Variants in ABCC4 observed in about 807,000 individuals in gnomAD.
ABCC4 encodes the protein ATP-binding cassette sub-family C member 4.
ABCC4 carries 102 observed loss-of-function variants against 168.5 expected under a neutral mutation model. The ratio of observed to expected loss-of-function variants is 0.61; its 90% CI spans 0.52 to 0.71. The LOEUF is 0.71. Ranked by LOEUF, ABCC4 falls within the 30% of genes least tolerant of loss-of-function variation. The pLI is 0.00. For synonymous variants in ABCC4, 617 were observed against 590.7 expected, an observed-to-expected ratio of 1.04 and a Z score of -0.65; for missense variants, 1,402 against 1,605.8, an observed-to-expected ratio of 0.87 and a Z score of 2.17.
chr13:95,259,077 C>T (rs963744885), intron 1 of ABCC4, among the ~76,000 whole-genome samples: 9 of 152,108 alleles, frequency 5.9e-5, no homozygotes, highest in African/African-American at 1.9e-4. Context: ...GGAAAACCCA[C>T]TCTACCTCAT....
intron 25 of ABCC4, among the ~76,000 whole-genome samples, chr13:95,067,703 A>G (rs1302403230): frequency 6.6e-6 from 1 of 152,218 alleles, no homozygotes; most frequent in Non-Finnish European, 1.5e-5. Context: ...GCAAACATTA[A>G]TGTAAAAAAG....
At chr13:95,206,493 A>C (rs1333181593) in intron 8 of ABCC4, 39 bp downstream of exon 8, 4 of 1,601,508 alleles carry the variant, frequency 2.5e-6, no homozygotes, top group Middle Eastern at 1.7e-4. Context: ...ATTCTACTTC[A>C]AATGCACCTA....
intron 3 of ABCC4, among the ~76,000 whole-genome samples, chr13:95,244,670 A>AAGAAATC (rs1555336347): frequency 9.4e-6 from 1 of 106,358 alleles, no homozygotes; most frequent in Non-Finnish European, 2.1e-5. Flanking sequence ...AGAAAGAAAG[A>AAGAAATC]AATCATAGCA....
chr13:95,194,607 G>GT (rs2038357941), intron 9 of ABCC4, among the ~76,000 whole-genome samples: 1 of 152,096 alleles, frequency 6.6e-6, no homozygotes, highest in Non-Finnish European at 1.5e-5. Flanking sequence ...ACTTTCCTTG[G>GT]TTTTTTGAAA....
intron 20 of ABCC4, 95 bp downstream of exon 20, chr13:95,115,827 G>T: frequency 1.0e-6 from 1 of 954,300 alleles, no homozygotes; most frequent in Non-Finnish European, 1.6e-6. Flanking sequence ...ACACAGCCAG[G>T]CCGAGAGTCC....
chr13:95,025,189 C>T (rs1279038220), intron 30 of ABCC4, among the ~76,000 whole-genome samples: 1 of 123,608 alleles, frequency 8.1e-6, no homozygotes, highest in Non-Finnish European at 1.7e-5. Context: ...CCACACACAC[C>T]CACACCACAC....
intron 26 of ABCC4, chr13:95,054,039 TTTTTTTTTTTTTTTTTTTTTTTTTG>T: frequency 2.9e-5 from 1 of 34,938 alleles, no homozygotes; most frequent in African/African-American, 7.6e-5. Context: ...TTTTTTTTTT[TTTTTTTTTTTTTTTTTTTTTTTTTG>T]GCCAAAGGAG....
In ABCC4 at chr13:95,287,548, T is replaced by C. The variant is rs958699558; in HGVS notation, c.74+13693A>G. Among the ~76,000 whole-genome samples the C allele has an allele frequency of 2.0e-4, 30 of 150,278 alleles. 1 individual carries two copies. Among genetic ancestry groups the C allele is most frequent in the African/African-American group, 5.9e-4 (24 of 40,826 alleles). On this transcript the variant is annotated intron_variant, in intron 1 of 30. Coordinates refer to ENST00000645237, the MANE Select transcript of ABCC4 (RefSeq NM_005845.5). ...GTTGCAGTGAGCCAAGATCACGCCA[T>C]TGCACTCCAGCCTGGGTGGAAGGGC...
At chr13:95,216,055 C>A (rs974093773) in intron 4 of ABCC4, among the ~76,000 whole-genome samples, 1 of 152,126 alleles carries the variant, frequency 6.6e-6, no homozygotes, top group African/African-American at 2.4e-5. Flanking sequence ...GATCATAAAT[C>A]AAGCTACCAT....
At chr13:95,112,691 A>C (rs1265101713) in intron 20 of ABCC4, among the ~76,000 whole-genome samples, 1 of 152,196 alleles carries the variant, frequency 6.6e-6, no homozygotes, top group Non-Finnish European at 1.5e-5. Flanking sequence ...CAGTTTTTTT[A>C]AACTCAATTG....
At chr13:95,176,034 T>C (rs1258793381) in intron 13 of ABCC4, among the ~76,000 whole-genome samples, 1 of 151,950 alleles carries the variant, frequency 6.6e-6, no homozygotes, top group Non-Finnish European at 1.5e-5. Context: ...TTCAAAGGAA[T>C]TGAATCCTAC....
intron 14 of ABCC4, among the ~76,000 whole-genome samples, chr13:95,166,670 G>C (rs1389212198): frequency 6.6e-6 from 1 of 152,176 alleles, no homozygotes; most frequent in South Asian, 2.1e-4. Flanking sequence ...CATGAAAACT[G>C]TGATAAACCT....
At chr13:95,200,512 A>G (rs922691115) in intron 8 of ABCC4, among the ~76,000 whole-genome samples, 7 of 152,156 alleles carry the variant, frequency 4.6e-5, no homozygotes, top group Admixed American at 4.6e-4. Context: ...CACGAGGTCA[A>G]GAGACTGAGA....
At chr13:95,145,702 T>A (rs908056204) in intron 19 of ABCC4, among the ~76,000 whole-genome samples, 3 of 151,682 alleles carry the variant, frequency 2.0e-5, no homozygotes, top group Non-Finnish European at 4.4e-5. Flanking sequence ...TCAACTTAGG[T>A]GCCCATCAAT....
At chr13:95,227,155 C>T (rs915342294) in intron 4 of ABCC4, among the ~76,000 whole-genome samples, 2 of 152,160 alleles carry the variant, frequency 1.3e-5, no homozygotes, top group African/African-American at 4.8e-5. Flanking sequence ...GATGATGGGA[C>T]GCATCTGACA....
chr13:95,279,454 T>C lies in ABCC4; in HGVS notation c.74+21787A>G, dbSNP rs190639950. ...TGTTTGCAAATGTTAATCATGGTTA[T>C]GGTAGCATTCTACCTTGTCTTACAG... On this transcript the variant is annotated intron_variant, in intron 1 of 30. Transcript: ENST00000645237. Among the ~76,000 whole-genome samples the C allele has an allele frequency of 5.2e-3, 793 of 152,350 alleles. 1 individual carries two copies. Among genetic ancestry groups the C allele is most frequent in the Non-Finnish European group, 8.8e-3 (601 of 68,038 alleles).
intron 9 of ABCC4, 51 bp from the exon 10 acceptor site, chr13:95,188,593 T>A (rs1404451643): frequency 6.9e-7 from 1 of 1,450,356 alleles, no homozygotes; most frequent in Middle Eastern, 2.0e-4. Context: ...GTCACACAAA[T>A]CACTTCAAAA....
intron 26 of ABCC4, 64 bp from the exon 27 acceptor site, chr13:95,053,248 A>C: frequency 8.2e-7 from 1 of 1,224,978 alleles, no homozygotes; most frequent in Non-Finnish European, 1.2e-6. Flanking sequence ...TCCAATGCTA[A>C]CATCAACAAT....
chr13:95,021,684 T>TG lies in ABCC4; in HGVS notation c.3871-3_3871-2insC. On this transcript the variant is annotated splice_polypyrimidine_tract_variant and splice_region_variant and intron_variant, in intron 30 of 30. Transcript: ENST00000645237. ...TGGATAATTTCTTTTGAAGTATACCTAGAAAAAAAAAAGGTAAGCATAAAA... is the reference window on the plus strand; with the variant it reads ...TGGATAATTTCTTTTGAAGTATACCTGAGAAAAAAAAAAGGTAAGCATAAAA... 6.8e-7 allele frequency: 1 copy of TG among 1,469,062 alleles called. No individual in the cohort carries two copies. Among genetic ancestry groups the TG allele is most frequent in the Non-Finnish European group, 9.3e-7 (1 of 1,075,600 alleles). The allele number at this position is 1,469,062 out of a possible 1,614,324, so 91.0% of individuals were successfully genotyped here.
Sources: gnomAD v4.1 joint callset for allele counts (sites outside exome capture counted in the v4.1 genomes callset) on GRCh38, gnomAD v4.1.1 for gene constraint, MANE v1.5 for transcripts, NCBI Gene and HGNC (gene_info 2026-07-23, HGNC 2026-07-21) for gene names.